Variants in EXOC2 observed in about 807,000 individuals in gnomAD.
EXOC2 encodes SEC5-like 1.
Under a neutral mutation model 131.8 loss-of-function variants are expected in EXOC2, and 70 were observed. The observed-to-expected ratio is 0.53, with a 90% CI of 0.44 to 0.65. The LOEUF is 0.65. Among genes scored for constraint, EXOC2 ranks in the 30% least tolerant of loss-of-function variants. The pLI is 0.00. For synonymous variants in EXOC2, 411 were observed against 398.4 expected, an observed-to-expected ratio of 1.03 and a Z score of -0.38; for missense variants, 923 against 1,108.6, an observed-to-expected ratio of 0.83 and a Z score of 2.38.
At chr6:626,204 A>G (rs552976242) in intron 4 of EXOC2, among the ~76,000 whole-genome samples, 3 of 152,338 alleles carry the variant, frequency 2.0e-5, no homozygotes, top group East Asian at 1.9e-4. Flanking sequence ...TAACATTTTT[A>G]TAAGTATCAT....
intron 1 of EXOC2, among the ~76,000 whole-genome samples, chr6:685,080 T>A (rs1764581365): frequency 6.6e-6 from 1 of 151,982 alleles, no homozygotes; most frequent in South Asian, 2.1e-4. Context: ...ACTATTTCGC[T>A]AACAGATCAG....
chr6:509,351 T>C (rs542247416), intron 23 of EXOC2, among the ~76,000 whole-genome samples: 1 of 152,302 alleles, frequency 6.6e-6, no homozygotes, highest in South Asian at 2.1e-4. Flanking sequence ...GCAAAGGTAA[T>C]CAAGCTATTC....
intron 17 of EXOC2, among the ~76,000 whole-genome samples, chr6:561,378 T>C (rs1229531284): frequency 6.6e-6 from 1 of 152,156 alleles, no homozygotes; most frequent in Non-Finnish European, 1.5e-5. Context: ...TCCTCAGATC[T>C]TGGTATATGA....
At chr6:657,011 C>T (rs1220137012) in intron 1 of EXOC2, 1 of 1,325,114 alleles carries the variant, frequency 7.5e-7, no homozygotes, top group Non-Finnish European at 1.0e-6. Context: ...CCTTCCGGTC[C>T]GCTGGGGTCC....
intron 17 of EXOC2, among the ~76,000 whole-genome samples, chr6:561,642 G>A (rs1757704775): frequency 1.3e-5 from 2 of 152,062 alleles, no homozygotes; most frequent in African/African-American, 2.4e-5. Flanking sequence ...CTGGAGTACA[G>A]TGGCGCGATC....
intron 1 of EXOC2, among the ~76,000 whole-genome samples, chr6:663,692 G>C (rs1348037410): frequency 6.6e-6 from 1 of 152,080 alleles, no homozygotes; most frequent in African/African-American, 2.4e-5. Flanking sequence ...AAAATCACAT[G>C]ATCATCTCAA....
chr6:616,177 T>C (rs1760988103), intron 6 of EXOC2, among the ~76,000 whole-genome samples: 1 of 152,198 alleles, frequency 6.6e-6, no homozygotes, highest in Admixed American at 6.5e-5. Flanking sequence ...CTGTCAGTGG[T>C]AATTTAGAGA....
At position 501,195 on chromosome 6, in the gene EXOC2, A is replaced by C. The variant is rs1241488955; in HGVS notation, c.2381-1495T>G. ...ATATATCTATATATTATATATATCT[A>C]TATATATTATATATATATTATATAT... On this transcript the variant is annotated intron_variant, in intron 23 of 27. Transcript: ENST00000230449. Among the ~76,000 whole-genome samples, 6 of 19,304 alleles carry C rather than the reference A, an allele frequency of 3.1e-4. 2 individuals carry two copies. In the East Asian group the frequency reaches 7.2e-3, roughly 23 times the overall value. 12.7% of individuals were successfully genotyped at this position (19,304 alleles called of 152,430 possible). A position where few individuals can be genotyped will look rare whatever the true frequency, so the allele number is the denominator to read the frequency against.
chr6:671,622 A>T (rs763056099), intron 1 of EXOC2, among the ~76,000 whole-genome samples: 1 of 152,220 alleles, frequency 6.6e-6, no homozygotes, highest in African/African-American at 2.4e-5. Context: ...TTTAATAGTT[A>T]AGGCAAATCT....
intron 23 of EXOC2, among the ~76,000 whole-genome samples, chr6:511,921 G>A (rs562397190): frequency 6.6e-6 from 1 of 152,274 alleles, no homozygotes; most frequent in African/African-American, 2.4e-5. Flanking sequence ...CTGTTGCTTC[G>A]TGCCTGGTAC....
rs759929258 is a variant in EXOC2 at position 486,291 on chromosome 6, C to T, written c.*380G>A. ...CGTATCAGTCAGTCTCTCCGTGTGT[C>T]GTGGGAGCTGCCTGCGCTTCCGTGA... On this transcript the variant is annotated 3_prime_UTR_variant, in exon 28 of 28. Coordinates refer to ENST00000230449, the MANE Select transcript of EXOC2 (RefSeq NM_018303.6). 7 of 179,726 alleles carry T rather than the reference C, an allele frequency of 3.9e-5. No individual in the cohort carries two copies. Among genetic ancestry groups the T allele is most frequent in the Non-Finnish European group, 7.0e-5 (6 of 86,250 alleles). 11.1% of individuals were successfully genotyped at this position (179,726 alleles called of 1,614,324 possible). A position where few individuals can be genotyped will look rare whatever the true frequency, so the allele number is the denominator to read the frequency against.
chr6:552,243 T>A lies in EXOC2; in HGVS notation c.2121+1611A>T, dbSNP rs116416552. The stretch of plus-strand genomic sequence containing the variant: ...CAGGCCCCCTCACTGCCGACATACC[T>A]AGGCAGGACGTCGCTCCCTGCTTTT... On this transcript the variant is annotated intron_variant, in intron 21 of 27. Transcript: ENST00000230449. 1.9e-3 allele frequency among the ~76,000 whole-genome samples: 296 copies of A among 152,342 alleles called. 5 individuals are homozygous for A. The highest frequency in any genetic ancestry group is 7.0e-3 in the African/African-American group (292 of 41,578).
intron 11 of EXOC2, among the ~76,000 whole-genome samples, chr6:585,390 C>T (rs1034898325): frequency 2.6e-5 from 4 of 152,082 alleles, no homozygotes; most frequent in Non-Finnish European, 4.4e-5. Context: ...GTCCTGGCCT[C>T]GTGTTATACT....
chr6:580,323 A>G (rs2027272), intron 11 of EXOC2, among the ~76,000 whole-genome samples: 52,804 of 152,024 alleles, frequency 0.35, 9,547 homozygotes, highest in Middle Eastern at 0.47. Flanking sequence ...TACAGGAGTG[A>G]GCCACCGTGT....
rs556942982 is a variant in EXOC2, at chr6:604,830, C to T, written c.742+5268G>A. On this transcript the variant is annotated intron_variant, in intron 7 of 27. Transcript: ENST00000230449. Reference sequence around the variant, plus strand: ...ACACCTGCCTCCCTCCACTCAGCCGCCCACCGCCGGCCTCTGCTTGTCTGG... The same window carrying T: ...ACACCTGCCTCCCTCCACTCAGCCGTCCACCGCCGGCCTCTGCTTGTCTGG... Among the ~76,000 whole-genome samples, 5 of 151,526 alleles carry T rather than the reference C, an allele frequency of 3.3e-5. No individual in the cohort carries two copies. The East Asian group carries it at 7.8e-4, about 24-fold the overall frequency.
chr6:571,638 A>T (rs1758282567), intron 13 of EXOC2, among the ~76,000 whole-genome samples: 1 of 152,182 alleles, frequency 6.6e-6, no homozygotes, highest in African/African-American at 2.4e-5. Context: ...AAAAACCAAA[A>T]ATGGTTTTAG....
intron 4 of EXOC2, among the ~76,000 whole-genome samples, chr6:624,150 T>C (rs1243291028): frequency 1.7e-5 from 2 of 119,608 alleles, no homozygotes; most frequent in Non-Finnish European, 3.9e-5. Context: ...GTGAAATAAA[T>C]GAGTTAGAAA....
chr6:692,780 G>A (rs1450713542), intron 1 of EXOC2, among the ~76,000 whole-genome samples: 2 of 152,198 alleles, frequency 1.3e-5, no homozygotes, highest in Non-Finnish European at 2.9e-5. Flanking sequence ...GGGACCGCGG[G>A]GGTGCGAACT....
intron 1 of EXOC2, among the ~76,000 whole-genome samples, chr6:648,065 T>C (rs1449880248): frequency 1.3e-5 from 2 of 152,200 alleles, no homozygotes; most frequent in Non-Finnish European, 2.9e-5. Flanking sequence ...GAACAGACCA[T>C]TATGCCAGGA....
Sources: gnomAD v4.1 joint callset for allele counts (sites outside exome capture counted in the v4.1 genomes callset) on GRCh38, gnomAD v4.1.1 for gene constraint, MANE v1.5 for transcripts, NCBI Gene and HGNC (gene_info 2026-07-23, HGNC 2026-07-21) for gene names.